Variants in TRIM67 observed in about 807,000 individuals in gnomAD.
The protein encoded by TRIM67 is tripartite motif containing 67.
In TRIM67, 39 loss-of-function variants were observed where a neutral mutation model predicts 71.0. The observed-to-expected ratio is 0.55, with a 90% confidence interval of 0.43 to 0.72. The LOEUF (loss-of-function observed/expected upper bound fraction) is 0.72. Among genes scored for constraint, TRIM67 ranks in the 30% least tolerant of loss-of-function variants. The pLI is 0.00. For missense variants in TRIM67, 973 were observed against 1,079.2 expected, an observed-to-expected ratio of 0.90 and a Z score of 1.38; for synonymous variants, 481 against 473.9, an observed-to-expected ratio of 1.01 and a Z score of -0.19.
chr1:231,164,593 A>G (rs1427496735), intron 1 of TRIM67, among the ~76,000 whole-genome samples: 1 of 152,210 alleles, frequency 6.6e-6, no homozygotes, highest in Admixed American at 6.5e-5. Flanking sequence ...AGGTCAATGA[A>G]CTAGGCCTGG....
intron 1 of TRIM67, among the ~76,000 whole-genome samples, chr1:231,185,395 A>G (rs1443270057): frequency 6.6e-6 from 1 of 151,794 alleles, no homozygotes; most frequent in Non-Finnish European, 1.5e-5. Flanking sequence ...AACCCAAACA[A>G]GTGGAACCCA....
chr1:231,186,138 G>A lies in TRIM67; in HGVS notation c.1045-11233G>A, dbSNP rs1250983515. 20 of 1,532,168 alleles carry A rather than the reference G, an allele frequency of 1.3e-5. 2 individuals are homozygous for A. In the South Asian group the frequency reaches 2.4e-4, roughly 18 times the overall value. 94.9% of individuals were successfully genotyped at this position (1,532,168 alleles called of 1,614,324 possible). On this transcript the variant is annotated intron_variant, in intron 1 of 9. Transcript: ENST00000366653. ...TGAATACATCGGTGAATGGATGAAG[G>A]GCTTGACAGCCAGGCTGAGGCGCTC...
In TRIM67 at chr1:231,215,530, G is replaced by A. The variant is rs1248685023; in HGVS notation, c.*90G>A. 3 of 1,463,914 alleles carry A rather than the reference G, an allele frequency of 2.0e-6. No individual in the cohort carries two copies. Among genetic ancestry groups the A allele is most frequent in the Non-Finnish European group, 2.7e-6 (3 of 1,099,166 alleles). 90.7% of individuals were successfully genotyped at this position (1,463,914 alleles called of 1,614,324 possible). A position where few individuals can be genotyped will look rare whatever the true frequency, so the allele number is the denominator to read the frequency against. The stretch of plus-strand genomic sequence containing the variant: ...CACTAAGCTCAAATAACCCACAAAA[G>A]CAGGATATGCAAATCATGGGTGCAA... On this transcript the variant is annotated 3_prime_UTR_variant, in exon 10 of 10. Transcript: ENST00000366653.
rs1684036620 is a variant in TRIM67, at chr1:231,217,235, G to T, written c.*1795G>T. On this transcript the variant is annotated 3_prime_UTR_variant, in exon 10 of 10. Transcript: ENST00000366653. ...GCCAGCTGCCCCGTCTCCAGGAGCT[G>T]CTCGGTGCTGTGTTGCAGTCTCTGC... 4 of 986,100 alleles carry T rather than the reference G, an allele frequency of 4.1e-6. No individual in the cohort carries two copies. Among genetic ancestry groups the T allele is most frequent in the Non-Finnish European group, 4.8e-6 (4 of 830,130 alleles). The allele number at this position is 986,100 out of a possible 1,614,324, so 61.1% of individuals were successfully genotyped here.
At chr1:231,180,569 G>A (rs1312542570) in intron 1 of TRIM67, among the ~76,000 whole-genome samples, 1 of 152,138 alleles carries the variant, frequency 6.6e-6, no homozygotes, top group African/African-American at 2.4e-5. Flanking sequence ...CTATTGCATT[G>A]AAGATGGCAG....
chr1:231,190,476 C>G (rs1683201694), intron 1 of TRIM67, among the ~76,000 whole-genome samples: 1 of 152,168 alleles, frequency 6.6e-6, no homozygotes, highest in Admixed American at 6.5e-5. Flanking sequence ...GAGAGGCTGC[C>G]TGGATCAACC....
At chr1:231,181,376 G>T (rs191157048) in intron 1 of TRIM67, among the ~76,000 whole-genome samples, 18 of 152,322 alleles carry the variant, frequency 1.2e-4, no homozygotes, top group African/African-American at 4.3e-4. Context: ...GAAATGCAGA[G>T]GACGGGAAAT....
intron 1 of TRIM67, among the ~76,000 whole-genome samples, chr1:231,178,247 G>C (rs183849023): frequency 3.3e-5 from 5 of 152,318 alleles, no homozygotes; most frequent in Admixed American, 3.3e-4. Context: ...AGAACACTCT[G>C]AGTGTAAGTT....
At chr1:231,197,346 T>C in intron 1 of TRIM67, 25 bp from the exon 2 acceptor site, 1 of 1,607,586 alleles carries the variant, frequency 6.2e-7, no homozygotes, top group Non-Finnish European at 8.5e-7. Context: ...TAATTTTTCT[T>C]TTCAACATGT....
intron 1 of TRIM67, among the ~76,000 whole-genome samples, chr1:231,179,951 G>C (rs1682855684): frequency 6.6e-6 from 1 of 152,288 alleles, no homozygotes; most frequent in Non-Finnish European, 1.5e-5. Context: ...AGAGATGGCA[G>C]GTTTCAAAGG....
intron 1 of TRIM67, among the ~76,000 whole-genome samples, chr1:231,169,312 C>T (rs572811929): frequency 6.6e-6 from 1 of 151,962 alleles, no homozygotes; most frequent in African/African-American, 2.4e-5. Context: ...GCCTTGGCCT[C>T]CCAAACTGTT....
intron 1 of TRIM67, chr1:231,185,999 C>G (rs916173829): frequency 8.0e-7 from 1 of 1,247,982 alleles, no homozygotes; most frequent in Non-Finnish European, 1.1e-6. Flanking sequence ...GGAGGTGGGT[C>G]TTCTGGAAGA....
intron 1 of TRIM67, among the ~76,000 whole-genome samples, chr1:231,169,952 G>A (rs1682580145): frequency 1.3e-5 from 2 of 150,878 alleles, no homozygotes; most frequent in Admixed American, 1.3e-4. Context: ...GTAATTCAGG[G>A]ACCTTTATGT....
intron 6 of TRIM67, among the ~76,000 whole-genome samples, 185 bp downstream of exon 6, chr1:231,204,197 G>A (rs1220017267): frequency 6.6e-6 from 1 of 152,230 alleles, no homozygotes; most frequent in Non-Finnish European, 1.5e-5. Flanking sequence ...CTAGGTCTGG[G>A]AGGACTGACA....
At chr1:231,206,875 T>G in intron 7 of TRIM67, 85 bp downstream of exon 7, 1 of 1,417,064 alleles carries the variant, frequency 7.1e-7, no homozygotes, top group Non-Finnish European at 9.5e-7. Flanking sequence ...GCAGCTATGA[T>G]GATGGGGTAG....
At chr1:231,185,013 G>A (rs752305181) in intron 1 of TRIM67, 6 of 1,532,798 alleles carry the variant, frequency 3.9e-6, no homozygotes, top group Middle Eastern at 2.3e-4. Flanking sequence ...GTTGGGGAGG[G>A]TCAGCTTATT....
intron 8 of TRIM67, among the ~76,000 whole-genome samples, chr1:231,211,294 G>C (rs1036656727): frequency 5.3e-5 from 8 of 151,996 alleles, no homozygotes; most frequent in African/African-American, 1.9e-4. Flanking sequence ...AGTAAGAAAA[G>C]CAGAAGGGAA....
Position 231,218,684 on chromosome 1 carries a change from CTG to C in TRIM67, c.*3246_*3247del, listed in dbSNP as rs1424753673. The C allele has an allele frequency of 1.0e-6, 1 of 985,436 alleles. No homozygotes were observed. 61.0% of individuals were successfully genotyped at this position (985,436 alleles called of 1,614,324 possible). A position where few individuals can be genotyped will look rare whatever the true frequency, so the allele number is the denominator to read the frequency against. On this transcript the variant is annotated 3_prime_UTR_variant, in exon 10 of 10. Coordinates refer to ENST00000366653, the MANE Select transcript of TRIM67 (RefSeq NM_001004342.5). ...GGTAACTGACCTAAACACTATAAAACTGTATATATTTCCAGGCTGCATCTTCA... is the reference window on the plus strand; with the variant it reads ...GGTAACTGACCTAAACACTATAAAACTATATATTTCCAGGCTGCATCTTCA...
In TRIM67 at chr1:231,163,881, C is replaced by A. The variant is rs756479078; in HGVS notation, c.912C>A (p.Pro304=). Residue 304 remains proline (P), a synonymous_variant, in exon 1 of 10, where the codon CCC becomes CCA. Coordinates refer to ENST00000366653, the MANE Select transcript of TRIM67 (RefSeq NM_001004342.5). ...CGGCCCGCAAGTTCCCCACGTGTCC[C>A]GAGCATGAAATGGAGAACTACAGCA... is the stretch of plus-strand genomic sequence containing the variant. ...GSTARKFPTC[P]EHEMENYSMY... The A allele has an allele frequency of 3.8e-6, 6 of 1,578,310 alleles. No individual in the cohort carries two copies. Among genetic ancestry groups the A allele is most frequent in the Non-Finnish European group, 4.3e-6 (5 of 1,162,796 alleles).
Sources: gnomAD v4.1 joint callset for allele counts (sites outside exome capture counted in the v4.1 genomes callset) on GRCh38, gnomAD v4.1.1 for gene constraint, MANE v1.5 for transcripts, NCBI Gene and HGNC (gene_info 2026-07-23, HGNC 2026-07-21) for gene names.